The following CACNA2D3 variants were observed in gnomAD, a reference collection of about 807,000 sequenced individuals.
CACNA2D3 encodes the protein voltage-dependent calcium channel subunit alpha-2/delta-3.
A neutral mutation model predicts 160.6 loss-of-function variants in CACNA2D3; 60 were observed. The observed-to-expected ratio is 0.37, with a 90% CI of 0.30 to 0.46. The LOEUF (loss-of-function observed/expected upper bound fraction) is 0.46, where lower values mean the gene tolerates loss of function less well. CACNA2D3 is among the 20% of genes least tolerant of loss of function. The pLI is 1.00. For missense variants in CACNA2D3, 1,205 were observed against 1,365.0 expected (o/e 0.88, Z 1.85); for synonymous variants, 558 against 492.9 (o/e 1.13, Z -1.75).
chr3:54,842,791 G>T (rs375812169), intron 16 of CACNA2D3, among the ~76,000 whole-genome samples: 4 of 151,242 alleles, frequency 2.6e-5, no homozygotes, highest in African/African-American at 9.7e-5. Flanking sequence ...AGTAGAGATG[G>T]GGTTTCACCA....
intron 17 of CACNA2D3, among the ~76,000 whole-genome samples, chr3:54,859,994 A>G (rs1178057828): frequency 1.3e-5 from 2 of 151,716 alleles, no homozygotes; most frequent in African/African-American, 4.8e-5. Flanking sequence ...ACACACACAC[A>G]CACACACACA....
chr3:54,187,804 G>T (rs1406183806), intron 2 of CACNA2D3, among the ~76,000 whole-genome samples: 1 of 152,146 alleles, frequency 6.6e-6, no homozygotes, highest in East Asian at 1.9e-4. Flanking sequence ...GGCTCATGCT[G>T]CTATGAGAAT....
chr3:54,480,442 TC>T (rs1700914373), intron 4 of CACNA2D3, among the ~76,000 whole-genome samples: 1 of 152,146 alleles, frequency 6.6e-6, no homozygotes, highest in South Asian at 2.1e-4. Flanking sequence ...TTGTGTTTTC[TC>T]CCCATATTTT....
At chr3:55,015,836 G>A (rs1703315811) in intron 34 of CACNA2D3, among the ~76,000 whole-genome samples, 1 of 152,142 alleles carries the variant, frequency 6.6e-6, no homozygotes, top group Non-Finnish European at 1.5e-5. Context: ...AAACAAAGAT[G>A]TCCTTCTTAC....
chr3:54,824,694 G>C (rs1703713895), intron 14 of CACNA2D3, among the ~76,000 whole-genome samples: 1 of 152,020 alleles, frequency 6.6e-6, no homozygotes, highest in Non-Finnish European at 1.5e-5. Context: ...GTTTTAATGG[G>C]GTACAGACAC....
intron 2 of CACNA2D3, among the ~76,000 whole-genome samples, chr3:54,278,751 G>C (rs112645555): frequency 0.15 from 22,912 of 151,952 alleles, 2,100 homozygotes; most frequent in South Asian, 0.21. Flanking sequence ...ACCAAACACC[G>C]CATGTTCTCA....
At chr3:54,498,020 C>T (rs1575489796) in intron 4 of CACNA2D3, among the ~76,000 whole-genome samples, 1 of 147,690 alleles carries the variant, frequency 6.8e-6, no homozygotes, top group Admixed American at 6.7e-5. Flanking sequence ...TGTATCTAGG[C>T]TTATGAGGGA....
chr3:54,464,719 G>T (rs375428875), intron 4 of CACNA2D3, among the ~76,000 whole-genome samples: 1 of 152,232 alleles, frequency 6.6e-6, no homozygotes, highest in Admixed American at 6.5e-5. Flanking sequence ...CTGACCCCTC[G>T]CGCTTCCTGA....
At chr3:54,753,419 T>C (rs1233269827) in intron 12 of CACNA2D3, among the ~76,000 whole-genome samples, 1 of 152,188 alleles carries the variant, frequency 6.6e-6, no homozygotes, top group Non-Finnish European at 1.5e-5. Context: ...GTGTTGGTAC[T>C]CTCTTCTGCT....
intron 2 of CACNA2D3, among the ~76,000 whole-genome samples, chr3:54,169,685 A>ATG (rs549566015): frequency 7.7e-6 from 1 of 129,564 alleles, no homozygotes; most frequent in Non-Finnish European, 1.8e-5. Context: ...ATGTGTGTGT[A>ATG]TGTGTGTGCA....
chr3:54,793,981 C>T (rs1387584152), intron 13 of CACNA2D3, among the ~76,000 whole-genome samples: 2 of 152,064 alleles, frequency 1.3e-5, no homozygotes, highest in South Asian at 2.1e-4. Flanking sequence ...TTGTTCATTT[C>T]ATCTAAGTTA....
chr3:54,939,690 T>A (rs1025578804), intron 27 of CACNA2D3, among the ~76,000 whole-genome samples: 5 of 152,184 alleles, frequency 3.3e-5, no homozygotes, highest in African/African-American at 1.2e-4. Context: ...CATGGCTGTT[T>A]CCCTATTCAG....
chr3:54,123,534 T>C lies in CACNA2D3; in HGVS notation c.144T>C (p.Ala48=), dbSNP rs375148097. Residue 48 remains alanine, a synonymous_variant, in exon 2 of 38, where the codon GCT becomes GCC. Coordinates refer to ENST00000474759, the MANE Select transcript of CACNA2D3 (RefSeq NM_018398.3). ...PLSVVKLWAS[A]FGGEIKSIAA... is the part of the protein sequence containing the mutation. ...GTAGGGTGAAGCTCTGGGCCTCGGCTTTTGGTGGGGAGATAAAATCCATTG... is the reference window on the plus strand; with the variant it reads ...GTAGGGTGAAGCTCTGGGCCTCGGCCTTTGGTGGGGAGATAAAATCCATTG... The C allele has an allele frequency of 5.0e-6, 8 of 1,613,630 alleles. No homozygotes were observed. The highest frequency in any genetic ancestry group is 6.8e-6 in the Non-Finnish European group (8 of 1,179,722).
At chr3:54,468,396 C>T (rs1356551439) in intron 4 of CACNA2D3, among the ~76,000 whole-genome samples, 3 of 152,186 alleles carry the variant, frequency 2.0e-5, no homozygotes, top group South Asian at 2.1e-4. Context: ...TGGTGCATTC[C>T]AGCCAGATAC....
intron 21 of CACNA2D3, among the ~76,000 whole-genome samples, chr3:54,884,705 G>A (rs911774567): frequency 2.0e-5 from 3 of 152,262 alleles, no homozygotes; most frequent in African/African-American, 2.4e-5. Context: ...CTTCCCAGGC[G>A]GATGACCGTT....
chr3:54,666,343 A>G (rs963855809), intron 11 of CACNA2D3, among the ~76,000 whole-genome samples: 12 of 152,240 alleles, frequency 7.9e-5, no homozygotes, highest in African/African-American at 2.4e-4. Context: ...TATATTCTTT[A>G]CAAATATGTC....
chr3:54,318,618 CT>C (rs1462931970), intron 2 of CACNA2D3, among the ~76,000 whole-genome samples: 1 of 151,870 alleles, frequency 6.6e-6, no homozygotes, highest in Non-Finnish European at 1.5e-5. Context: ...CCCACTTCCC[CT>C]ATGCCAGTGA....
At chr3:54,813,806 G>A (rs1703388932) in intron 13 of CACNA2D3, among the ~76,000 whole-genome samples, 2 of 151,524 alleles carry the variant, frequency 1.3e-5, no homozygotes. Flanking sequence ...AAAAAGCGCA[G>A]GGAAATGTTT....
At chr3:54,925,240 G>A (rs747175182) in intron 27 of CACNA2D3, 2 of 1,579,532 alleles carry the variant, frequency 1.3e-6, no homozygotes, top group Non-Finnish European at 1.7e-6. Context: ...AAGAAATTGG[G>A]ATAGGAACCA....
Sources: allele counts gnomAD v4.1 joint callset (sites outside exome capture counted in the v4.1 genomes callset), GRCh38; gene constraint gnomAD v4.1.1; transcripts MANE v1.5; gene names NCBI Gene and HGNC (gene_info 2026-07-23, HGNC 2026-07-21).